The following SLC35F4 variants were observed in gnomAD, a reference collection of about 807,000 sequenced individuals.
SLC35F4 encodes the protein solute carrier family 35 member F4.
A neutral mutation model predicts 44.2 loss-of-function variants in SLC35F4; 24 were observed. The observed-to-expected ratio is 0.54, with a 90% CI of 0.39 to 0.76. The LOEUF (loss-of-function observed/expected upper bound fraction) is 0.76. Ranked by LOEUF, SLC35F4 falls within the 30% of genes least tolerant of loss-of-function variation. SLC35F4 has a pLI of 0.00. For synonymous variants in SLC35F4, 238 were observed against 223.6 expected (o/e 1.06, Z -0.57); for missense variants, 562 against 586.1 (o/e 0.96, Z 0.42).
intron 1 of SLC35F4, among the ~76,000 whole-genome samples, chr14:57,789,538 T>C (rs1168287691): frequency 1.3e-5 from 2 of 152,118 alleles, no homozygotes; most frequent in East Asian, 1.9e-4. Flanking sequence ...CCGGACCAGA[T>C]GGATTCACAG....
chr14:57,776,734 A>G (rs1362408586), intron 1 of SLC35F4, among the ~76,000 whole-genome samples: 1 of 151,816 alleles, frequency 6.6e-6, no homozygotes, highest in Non-Finnish European at 1.5e-5. Flanking sequence ...AGGGACACCC[A>G]TAAGACTAAC....
At chr14:57,964,020 C>T (rs971384547) in intron 1 of SLC35F4, among the ~76,000 whole-genome samples, 1 of 152,122 alleles carries the variant, frequency 6.6e-6, no homozygotes, top group African/African-American at 2.4e-5. Context: ...CCATGCCCAG[C>T]CCTAGCTCAT....
intron 1 of SLC35F4, among the ~76,000 whole-genome samples, chr14:57,722,444 T>G (rs905167587): frequency 7.2e-5 from 11 of 152,192 alleles, no homozygotes; most frequent in South Asian, 2.1e-4. Flanking sequence ...CCTTGACCAA[T>G]GCCTTGCAAA....
At position 57,865,864 on chromosome 14, in the gene SLC35F4, G is replaced by T. The variant is rs1888124371; in HGVS notation, c.-39C>A. ...CGACGGCCCCGAGTGCGGCGGGGCGGAGAGCGCAGCGCGGGGCCCGGGAGC... is the reference window on the plus strand; with the variant it reads ...CGACGGCCCCGAGTGCGGCGGGGCGTAGAGCGCAGCGCGGGGCCCGGGAGC... On this transcript the variant is annotated 5_prime_UTR_variant, in exon 1 of 8. Coordinates refer to ENST00000556826, the MANE Select transcript of SLC35F4 (RefSeq NM_001306087.2). The T allele has an allele frequency of 3.5e-6, 5 of 1,437,358 alleles. No homozygotes were observed. Among genetic ancestry groups the T allele is most frequent in the Non-Finnish European group, 3.7e-6 (4 of 1,079,180 alleles). 89.0% of individuals were successfully genotyped at this position (1,437,358 alleles called of 1,614,324 possible). A position where few individuals can be genotyped will look rare whatever the true frequency, so the allele number is the denominator to read the frequency against.
At chr14:57,867,612 A>C (rs201390724), upstream of SLC35F4, among the ~76,000 whole-genome samples, 14 of 129,448 alleles carry the variant, frequency 1.1e-4, no homozygotes, top group East Asian at 9.7e-4. Flanking sequence ...ACCCCCCCCC[A>C]CGTGAAATAA....
intron 1 of SLC35F4, among the ~76,000 whole-genome samples, chr14:57,762,732 C>G (rs2077153463): frequency 6.6e-6 from 1 of 151,894 alleles, no homozygotes; most frequent in Non-Finnish European, 1.5e-5. Context: ...CTTTCCTCCT[C>G]TTTCTCTTGC....
chr14:57,770,615 C>G (rs2077340545), intron 1 of SLC35F4, among the ~76,000 whole-genome samples: 1 of 152,148 alleles, frequency 6.6e-6, no homozygotes, highest in African/African-American at 2.4e-5. Context: ...TCCTTGGGAG[C>G]TCTCCAAGGA....
In SLC35F4 at chr14:57,596,753, C is replaced by T. The variant is rs752332691; in HGVS notation, c.104-2629G>A. ...TGTATAAGCCACACCAGTGATTTAT[C>T]TTCCTTTCTCATTTTCACTAAAATA... On this transcript the variant is annotated intron_variant, in intron 1 of 7. Transcript: ENST00000556826. 7 of 1,353,030 alleles carry T rather than the reference C, an allele frequency of 5.2e-6. No individual in the cohort carries two copies. In the South Asian group the frequency reaches 8.0e-5, roughly 15 times the overall value. 83.8% of individuals were successfully genotyped at this position (1,353,030 alleles called of 1,614,324 possible). A position where few individuals can be genotyped will look rare whatever the true frequency, so the allele number is the denominator to read the frequency against.
At chr14:57,826,412 A>G (rs1157908989) in intron 1 of SLC35F4, among the ~76,000 whole-genome samples, 7 of 152,210 alleles carry the variant, frequency 4.6e-5, no homozygotes, top group African/African-American at 1.7e-4. Context: ...TAAAAACCCT[A>G]GAAGAAAACC....
intron 1 of SLC35F4, among the ~76,000 whole-genome samples, chr14:57,641,347 G>C (rs2073228842): frequency 6.6e-6 from 1 of 151,876 alleles, no homozygotes; most frequent in South Asian, 2.1e-4. Flanking sequence ...GACAGCCCCA[G>C]AATAAGATTG....
intron 6 of SLC35F4, among the ~76,000 whole-genome samples, chr14:57,568,025 C>T (rs947233056): frequency 1.1e-4 from 16 of 152,292 alleles, no homozygotes; most frequent in East Asian, 3.9e-4. Flanking sequence ...AAGAGAGGGA[C>T]GGCAATAAAC....
intron 1 of SLC35F4, among the ~76,000 whole-genome samples, chr14:57,768,365 C>T (rs559111959): frequency 6.6e-6 from 1 of 152,216 alleles, no homozygotes; most frequent in African/African-American, 2.4e-5. Context: ...ATGAGCATTC[C>T]CTTTTTAGTC....
At chr14:57,576,010 T>C (rs1280222780) in intron 4 of SLC35F4, among the ~76,000 whole-genome samples, 1 of 152,124 alleles carries the variant, frequency 6.6e-6, no homozygotes, top group Admixed American at 6.5e-5. Flanking sequence ...TTTTTCTTTT[T>C]CTCTTTTGGC....
intron 1 of SLC35F4, among the ~76,000 whole-genome samples, chr14:57,658,726 G>T (rs73303887): frequency 1.3e-5 from 2 of 152,086 alleles, no homozygotes; most frequent in Non-Finnish European, 2.9e-5. Context: ...GACTCAGTAG[G>T]CAATGCTCTA....
intron 1 of SLC35F4, among the ~76,000 whole-genome samples, chr14:57,718,917 A>G (rs1469223934): frequency 6.6e-6 from 1 of 152,136 alleles, no homozygotes; most frequent in African/African-American, 2.4e-5. Flanking sequence ...ACTTTTGCCC[A>G]ATATCTTGAA....
chr14:57,980,270 G>A (rs1030918731), intron 1 of SLC35F4, among the ~76,000 whole-genome samples: 1 of 152,198 alleles, frequency 6.6e-6, no homozygotes, highest in Non-Finnish European at 1.5e-5. Context: ...TTGAGACTAA[G>A]GTACTTGGAA....
At chr14:57,917,716 G>T (rs547998002) in intron 1 of SLC35F4, among the ~76,000 whole-genome samples, 1 of 151,880 alleles carries the variant, frequency 6.6e-6, no homozygotes, top group African/African-American at 2.4e-5. Context: ...TAGATACAGG[G>T]GGTACATGTA....
At chr14:57,794,638 C>CT (rs1209552087) in intron 1 of SLC35F4, among the ~76,000 whole-genome samples, 1 of 152,008 alleles carries the variant, frequency 6.6e-6, no homozygotes, top group African/African-American at 2.4e-5. Flanking sequence ...TCTGTAGGCC[C>CT]ATTCTGTTCA....
chr14:57,635,816 G>A (rs1218978146), intron 1 of SLC35F4, among the ~76,000 whole-genome samples: 6 of 152,086 alleles, frequency 3.9e-5, no homozygotes, highest in African/African-American at 1.4e-4. Flanking sequence ...ATTTAAATAA[G>A]TTTGAGAAAT....
Sources: gnomAD v4.1 joint callset for allele counts (sites outside exome capture counted in the v4.1 genomes callset) on GRCh38, gnomAD v4.1.1 for gene constraint, MANE v1.5 for transcripts, NCBI Gene and HGNC (gene_info 2026-07-23, HGNC 2026-07-21) for gene names.